PCDH9: variants seen among roughly 807,000 people sequenced by gnomAD.
PCDH9 encodes protocadherin 9.
Under a neutral mutation model 70.6 loss-of-function variants are expected in PCDH9, and 24 were observed. The ratio of observed to expected loss-of-function variants is 0.34; its 90% confidence interval spans 0.25 to 0.48. The LOEUF (loss-of-function observed/expected upper bound fraction) is 0.48, where lower values mean the gene tolerates loss of function less well. Among genes scored for constraint, PCDH9 ranks in the 20% least tolerant of loss-of-function variants. The pLI, the probability that PCDH9 is intolerant of heterozygous loss-of-function variation, is 0.99. For missense variants in PCDH9, 1,281 were observed against 1,503.6 expected (o/e 0.85, Z 2.45); for synonymous variants, 562 against 558.5 (o/e 1.01, Z -0.09).
intron 2 of PCDH9, among the ~76,000 whole-genome samples, chr13:66,928,489 T>C (rs544779654): frequency 1.2e-4 from 19 of 152,244 alleles, no homozygotes; most frequent in African/African-American, 4.3e-4. Context: ...TACACATTGC[T>C]ATAGTCTGAA....
At chr13:67,134,048 A>G (rs2087172202) in intron 2 of PCDH9, among the ~76,000 whole-genome samples, 1 of 152,130 alleles carries the variant, frequency 6.6e-6, no homozygotes, top group Non-Finnish European at 1.5e-5. Flanking sequence ...AAAATTCTGT[A>G]TATCCAATAA....
At chr13:67,036,188 T>C (rs1298357790) in intron 2 of PCDH9, among the ~76,000 whole-genome samples, 4 of 152,342 alleles carry the variant, frequency 2.6e-5, no homozygotes, top group South Asian at 2.1e-4. Context: ...CAGATACAAT[T>C]GTAGGAAGAG....
intron 4 of PCDH9, among the ~76,000 whole-genome samples, chr13:66,359,280 A>T (rs7995375): frequency 6.6e-6 from 1 of 151,746 alleles, no homozygotes; most frequent in African/African-American, 2.4e-5. Context: ...GTTTGAAAGA[A>T]TATCAGCATT....
intron 4 of PCDH9, among the ~76,000 whole-genome samples, chr13:66,421,040 T>C (rs529102516): frequency 6.5e-4 from 98 of 151,012 alleles, no homozygotes; most frequent in African/African-American, 2.4e-3. Flanking sequence ...CATACACAAG[T>C]ATCAATGGCC....
At chr13:67,204,182 G>T (rs2089284049) in intron 2 of PCDH9, 1 of 152,032 alleles carries the variant, frequency 6.6e-6, no homozygotes, top group South Asian at 2.1e-4. Context: ...GATAAAAGTG[G>T]CCACAATTTT....
chr13:66,935,632 T>G (rs574863441), intron 2 of PCDH9, among the ~76,000 whole-genome samples: 1 of 152,256 alleles, frequency 6.6e-6, no homozygotes, highest in African/African-American at 2.4e-5. Flanking sequence ...AGTGCATTTT[T>G]TTATTACAAA....
chr13:66,691,167 G>T (rs2078479413), intron 3 of PCDH9, among the ~76,000 whole-genome samples: 1 of 152,054 alleles, frequency 6.6e-6, no homozygotes, highest in South Asian at 2.1e-4. Flanking sequence ...CTCCCAAGCA[G>T]CTGGAATTAC....
At chr13:67,033,671 C>G (rs2084952048) in intron 2 of PCDH9, among the ~76,000 whole-genome samples, 1 of 152,142 alleles carries the variant, frequency 6.6e-6, no homozygotes, top group Admixed American at 6.6e-5. Context: ...ATGCTATACT[C>G]GTACCACTGA....
chr13:66,592,890 T>G (rs1421283240), intron 4 of PCDH9, among the ~76,000 whole-genome samples: 4 of 151,734 alleles, frequency 2.6e-5, no homozygotes, highest in Non-Finnish European at 4.4e-5. Context: ...TAATTTAATG[T>G]CAGAGGAAAA....
intron 4 of PCDH9, among the ~76,000 whole-genome samples, chr13:66,587,199 G>C (rs1175131260): frequency 2.6e-5 from 4 of 151,994 alleles, no homozygotes; most frequent in East Asian, 1.9e-4. Flanking sequence ...TCAGGAGACT[G>C]AAGTAAGAGG....
At chr13:67,177,735 G>A (rs1332893683) in intron 2 of PCDH9, among the ~76,000 whole-genome samples, 5 of 152,062 alleles carry the variant, frequency 3.3e-5, no homozygotes, top group Non-Finnish European at 5.9e-5. Flanking sequence ...TGATGGTCCT[G>A]AAATCTCTGT....
intron 2 of PCDH9, chr13:66,977,587 A>C (rs1252428845): frequency 2.0e-5 from 3 of 152,158 alleles, no homozygotes; most frequent in Non-Finnish European, 4.4e-5. Context: ...CAGCTTCTCT[A>C]TTCTGGCTTT....
intron 3 of PCDH9, among the ~76,000 whole-genome samples, chr13:66,799,318 C>G (rs559267139): frequency 1.3e-5 from 2 of 152,254 alleles, no homozygotes; most frequent in East Asian, 3.9e-4. Context: ...AGCAGTCAGC[C>G]TGTTGTGGGG....
At chr13:66,487,193 A>G (rs1216965307) in intron 4 of PCDH9, among the ~76,000 whole-genome samples, 2 of 152,212 alleles carry the variant, frequency 1.3e-5, no homozygotes, top group Non-Finnish European at 2.9e-5. Context: ...ATAGATTTCC[A>G]TTGTGAATCA....
At chr13:66,865,798 T>C (rs1342791131) in intron 3 of PCDH9, among the ~76,000 whole-genome samples, 2 of 152,224 alleles carry the variant, frequency 1.3e-5, no homozygotes, top group East Asian at 1.9e-4. Flanking sequence ...TCTTGAATTA[T>C]GGCAGCTGTA....
At chr13:66,824,619 C>A (rs2080777487) in intron 3 of PCDH9, among the ~76,000 whole-genome samples, 1 of 131,066 alleles carries the variant, frequency 7.6e-6, no homozygotes, top group African/African-American at 2.8e-5. Context: ...AATGCCATTG[C>A]ACTCCAACCT....
chr13:66,990,451 A>G (rs891608401), intron 2 of PCDH9, among the ~76,000 whole-genome samples: 30 of 151,366 alleles, frequency 2.0e-4, no homozygotes, highest in African/African-American at 7.3e-4. Context: ...CATATAGGTT[A>G]GGTTCTTACA....
At chr13:67,150,942 G>A (rs1267955215) in intron 2 of PCDH9, among the ~76,000 whole-genome samples, 1 of 152,048 alleles carries the variant, frequency 6.6e-6, no homozygotes, top group East Asian at 1.9e-4. Context: ...ACTGCCCAAG[G>A]CCTTCCAATT....
intron 2 of PCDH9, among the ~76,000 whole-genome samples, chr13:67,149,185 T>C (rs1262301458): frequency 2.6e-5 from 4 of 152,180 alleles, no homozygotes; most frequent in Non-Finnish European, 4.4e-5. Context: ...AATGATAAGA[T>C]AGAAACTTGG....
Sources: gnomAD v4.1 joint callset for allele counts (sites outside exome capture counted in the v4.1 genomes callset) on GRCh38, gnomAD v4.1.1 for gene constraint, MANE v1.5 for transcripts, NCBI Gene and HGNC (gene_info 2026-07-23, HGNC 2026-07-21) for gene names.